Variants in SCAPER observed in about 807,000 individuals in gnomAD.
SCAPER encodes S-phase cyclin A associated protein in the ER.
Under a neutral mutation model 182.2 loss-of-function variants are expected in SCAPER, and 98 were observed. That is an observed-to-expected ratio of 0.54 (90% CI 0.46 to 0.64). The LOEUF (loss-of-function observed/expected upper bound fraction) is 0.64, where lower values mean the gene tolerates loss of function less well. Ranked by LOEUF, SCAPER falls within the 30% of genes least tolerant of loss-of-function variation. The pLI, the probability that SCAPER is intolerant of heterozygous loss-of-function variation, is 0.00. For synonymous variants in SCAPER, 605 were observed against 564.6 expected, an observed-to-expected ratio of 1.07 and a Z score of -1.01; for missense variants, 1,432 against 1,690.0, an observed-to-expected ratio of 0.85 and a Z score of 2.68.
intron 24 of SCAPER, among the ~76,000 whole-genome samples, chr15:76,476,750 C>T (rs1275900912): frequency 6.6e-6 from 1 of 151,696 alleles, no homozygotes; most frequent in Non-Finnish European, 1.5e-5. Context: ...CCTAGCCGTC[C>T]AAGAATTTTC....
chr15:76,774,808 C>A, intron 9 of SCAPER, 47 bp downstream of exon 9: 1 of 1,555,114 alleles, frequency 6.4e-7, no homozygotes. Context: ...CACATGTACA[C>A]ATACACCTTT....
chr15:76,588,120 C>T (rs1437650996), intron 22 of SCAPER, among the ~76,000 whole-genome samples: 1 of 152,060 alleles, frequency 6.6e-6, no homozygotes, highest in Non-Finnish European at 1.5e-5. Context: ...GACGGGGTTT[C>T]ACCGTGTTAG....
chr15:76,510,888 T>TGTGTGTGTGTGCGC (rs1491205462), intron 23 of SCAPER, among the ~76,000 whole-genome samples: 16 of 141,090 alleles, frequency 1.1e-4, no homozygotes, highest in African/African-American at 3.9e-4. Context: ...TGTGTGTGTG[T>TGTGTGTGTGTGCGC]GCGCGCGCGC....
At chr15:76,745,135 G>A (rs548496579) in intron 15 of SCAPER, among the ~76,000 whole-genome samples, 7 of 152,172 alleles carry the variant, frequency 4.6e-5, no homozygotes, top group Admixed American at 1.3e-4. Context: ...CAGACTACTC[G>A]AAGTAGAGAG....
chr15:76,770,592 T>C (rs528551665), intron 10 of SCAPER, among the ~76,000 whole-genome samples: 1 of 152,304 alleles, frequency 6.6e-6, no homozygotes, highest in South Asian at 2.1e-4. Context: ...AAAGGGTTTA[T>C]GACTCTGCAA....
intron 3 of SCAPER, among the ~76,000 whole-genome samples, chr15:76,858,344 C>A (rs1474708784): frequency 6.6e-6 from 1 of 152,184 alleles, no homozygotes; most frequent in South Asian, 2.1e-4. Context: ...AATTTCACTG[C>A]GAAAAGTGAG....
At chr15:76,871,451 AAAAT>A (rs1405125190) in intron 2 of SCAPER, among the ~76,000 whole-genome samples, 4 of 151,886 alleles carry the variant, frequency 2.6e-5, no homozygotes, top group African/African-American at 9.6e-5. Context: ...AGATAACCAA[AAAAT>A]AAATAAATAA....
In SCAPER at chr15:76,767,890, G is replaced by T. The variant is rs116198540; in HGVS notation, c.1249-802C>A. 7.5e-3 allele frequency among the ~76,000 whole-genome samples: 1,136 copies of T among 152,090 alleles called. 19 individuals carry two copies. The highest frequency in any genetic ancestry group is 0.026 in the African/African-American group (1,082 of 41,500). ...GAAAAAAACAGATTACAAGTAAAAG[G>T]TCTATGCTAATTAAAAGAAAGCTGA... On this transcript the variant is annotated intron_variant, in intron 10 of 31. Transcript: ENST00000563290.
chr15:76,396,024 A>T (rs1484657765), intron 27 of SCAPER, among the ~76,000 whole-genome samples: 1 of 152,164 alleles, frequency 6.6e-6, no homozygotes, highest in Non-Finnish European at 1.5e-5. Flanking sequence ...ATGGTGAGAG[A>T]CAGGGGTCTA....
intron 29 of SCAPER, among the ~76,000 whole-genome samples, chr15:76,371,388 C>T (rs1005473603): frequency 2.0e-5 from 3 of 150,618 alleles, no homozygotes; most frequent in South Asian, 2.1e-4. Context: ...GGCGTGATCT[C>T]GGCTCACCGC....
intron 5 of SCAPER, among the ~76,000 whole-genome samples, chr15:76,816,589 T>C (rs1054310759): frequency 6.6e-6 from 1 of 152,098 alleles, no homozygotes; most frequent in Non-Finnish European, 1.5e-5. Flanking sequence ...TTCTTTTTGT[T>C]AAGCAGAAGG....
At chr15:76,427,614 G>A (rs416812) in intron 26 of SCAPER, among the ~76,000 whole-genome samples, 147,887 of 152,234 alleles carry the variant, frequency 0.97, 71,968 homozygotes, top group South Asian at 1. Flanking sequence ...GGGAGGCTGA[G>A]GTGGGAGGAC....
At chr15:76,368,405 G>A (rs1209639302) in intron 29 of SCAPER, among the ~76,000 whole-genome samples, 9 of 152,228 alleles carry the variant, frequency 5.9e-5, no homozygotes, top group Non-Finnish European at 4.4e-5. Context: ...CCCGAGGTGA[G>A]TACAACAGAT....
Position 76,670,640 on chromosome 15 carries a change from G to A in SCAPER, c.2509-4851C>T, listed in dbSNP as rs75886407. 9.1e-3 allele frequency among the ~76,000 whole-genome samples: 1,380 copies of A among 152,150 alleles called. 21 individuals carry two copies. Among genetic ancestry groups the A allele is most frequent in the African/African-American group, 0.032 (1,335 of 41,500 alleles). ...AAAATGGGAATTAATTTATGTCCCCGCAAGTGGTTTGCCAGTATGTGGTGT... is the reference window on the plus strand; with the variant it reads ...AAAATGGGAATTAATTTATGTCCCCACAAGTGGTTTGCCAGTATGTGGTGT... On this transcript the variant is annotated intron_variant, in intron 20 of 31. Transcript: ENST00000563290.
chr15:76,665,775 C>T lies in SCAPER; in HGVS notation c.2523G>A (p.Leu841=), dbSNP rs1195929187. The T allele has an allele frequency of 1.3e-6, 2 of 1,521,970 alleles. No homozygotes were observed. Among genetic ancestry groups the T allele is most frequent in the Admixed American group, 2.2e-5 (1 of 45,466 alleles). 94.3% of individuals were successfully genotyped at this position (1,521,970 alleles called of 1,614,324 possible). ...LSDEEVEHLS[L]KKYIIDIVVE... ...CCACAATGTCAATAATGTACTTCTT[C>T]AAGGAAAGATGCTCCTGCAAGATAA... The change falls in exon 21 of 32, where the codon TTG becomes TTA. Residue 841 remains leucine (L), a synonymous_variant. Coordinates refer to ENST00000563290, the MANE Select transcript of SCAPER (RefSeq NM_020843.4).
intron 21 of SCAPER, among the ~76,000 whole-genome samples, chr15:76,654,564 T>C (rs1035775404): frequency 2.0e-5 from 3 of 152,006 alleles, no homozygotes; most frequent in Admixed American, 1.3e-4. Flanking sequence ...GTCTGAAGAT[T>C]TCTCAAAGAA....
chr15:76,768,355 T>C (rs2063233259), intron 10 of SCAPER, among the ~76,000 whole-genome samples: 1 of 152,238 alleles, frequency 6.6e-6, no homozygotes, highest in African/African-American at 2.4e-5. Context: ...CAGTGGACTA[T>C]ACTATTTGAT....
intron 23 of SCAPER, among the ~76,000 whole-genome samples, chr15:76,572,919 T>TCACACACACACA (rs58395846): frequency 7.2e-4 from 98 of 135,256 alleles, no homozygotes; most frequent in African/African-American, 2.6e-3. Flanking sequence ...TCTCTCTCTC[T>TCACACACACACA]CACACACACA....
At chr15:76,610,434 A>C (rs1053785408) in intron 22 of SCAPER, among the ~76,000 whole-genome samples, 1 of 152,202 alleles carries the variant, frequency 6.6e-6, no homozygotes, top group African/African-American at 2.4e-5. Context: ...TGGAACTCCT[A>C]ACCAGAGCAA....
Sources: allele counts gnomAD v4.1 joint callset (sites outside exome capture counted in the v4.1 genomes callset), GRCh38; gene constraint gnomAD v4.1.1; transcripts MANE v1.5; gene names NCBI Gene and HGNC (gene_info 2026-07-23, HGNC 2026-07-21).